The following SEMA3C variants were observed in gnomAD, a reference collection of about 807,000 sequenced individuals.
The protein encoded by SEMA3C is semaphorin-3C.
Under a neutral mutation model 89.4 loss-of-function variants are expected in SEMA3C, and 47 were observed. The ratio of observed to expected loss-of-function variants is 0.53; its 90% CI spans 0.42 to 0.67. SEMA3C has a LOEUF of 0.67. Ranked by LOEUF, SEMA3C falls within the 30% of genes least tolerant of loss-of-function variation. The probability of loss-of-function intolerance (pLI) is 0.00; values close to 1 mark genes in which losing one functional copy is unlikely to be tolerated. For synonymous variants in SEMA3C, 310 were observed against 320.2 expected, an observed-to-expected ratio of 0.97 and a Z score of 0.34; for missense variants, 839 against 929.1, an observed-to-expected ratio of 0.90 and a Z score of 1.26.
rs80095414 is a variant in SEMA3C, at chr7:80,910,580, T to C, written c.103+6099A>G. On this transcript the variant is annotated intron_variant, in intron 2 of 17. Transcript: ENST00000265361. ...AACAACAGAGGTCTTCAGTAATATA[T>C]AAATGAAAATGCAGAAGGCAAAAAA... 9.8e-3 allele frequency among the ~76,000 whole-genome samples: 1,494 copies of C among 151,774 alleles called. 9 individuals carry two copies. Among genetic ancestry groups the C allele is most frequent in the Non-Finnish European group, 0.016 (1,078 of 67,952 alleles).
chr7:80,919,111 GGC>G, upstream of SEMA3C: 1 of 984,950 alleles, frequency 1.0e-6, no homozygotes, highest in Non-Finnish European at 1.2e-6. Context: ...ACAGCGCCGC[GGC>G]GCGCGGCTCC....
At chr7:80,895,514 A>C (rs1791713157) in intron 2 of SEMA3C, among the ~76,000 whole-genome samples, 1 of 152,188 alleles carries the variant, frequency 6.6e-6, no homozygotes, top group Non-Finnish European at 1.5e-5. Context: ...GACTTAACAA[A>C]ATGACTTTCA....
intron 16 of SEMA3C, among the ~76,000 whole-genome samples, chr7:80,749,790 A>C (rs1787884266): frequency 6.6e-6 from 1 of 152,174 alleles, no homozygotes; most frequent in Admixed American, 6.6e-5. Context: ...AGGAATAATA[A>C]GACTCTAGTA....
intron 12 of SEMA3C, among the ~76,000 whole-genome samples, chr7:80,785,138 T>G (rs1788773534): frequency 6.6e-6 from 1 of 152,116 alleles, no homozygotes; most frequent in African/African-American, 2.4e-5. Flanking sequence ...GGTCAGTATC[T>G]CAAATTCAGC....
chr7:80,778,720 T>C (rs1788623692), intron 12 of SEMA3C, among the ~76,000 whole-genome samples: 1 of 152,234 alleles, frequency 6.6e-6, no homozygotes, highest in African/African-American at 2.4e-5. Context: ...CTGGCAAATG[T>C]TACTAGCATG....
At chr7:80,752,984 T>C (rs562399530) in intron 15 of SEMA3C, among the ~76,000 whole-genome samples, 53 of 152,282 alleles carry the variant, frequency 3.5e-4, no homozygotes, top group Admixed American at 7.9e-4. Context: ...ACAGTAGATA[T>C]TAAACTTACA....
rs1358887026 is a variant in SEMA3C, at chr7:80,745,089, G to A, written c.2061C>T (p.Pro687=). Residue 687 remains proline (P), a synonymous_variant, in exon 18 of 18, where the codon CCC becomes CCT. Coordinates refer to ENST00000265361, the MANE Select transcript of SEMA3C (RefSeq NM_006379.5). ...CCCCCATGATGTCCTTCGGGTGGAA[G>A]GGTAAAGCCCTCACAGAGCTGGCCC... ...WTWASSVRAL[P]FHPKDIMGAF... is the part of the protein sequence containing the mutation. The A allele has an allele frequency of 2.5e-6, 4 of 1,613,930 alleles. No homozygotes were observed. In the African/African-American group the frequency reaches 5.3e-5, roughly 22 times the overall value.
At chr7:80,823,233 C>T (rs1398582886) in intron 4 of SEMA3C, among the ~76,000 whole-genome samples, 1 of 152,124 alleles carries the variant, frequency 6.6e-6, no homozygotes, top group Non-Finnish European at 1.5e-5. Context: ...GCTCTAAGCT[C>T]TCTGCAAATA....
At chr7:80,876,558 A>C (rs1791207698) in intron 2 of SEMA3C, among the ~76,000 whole-genome samples, 1 of 152,200 alleles carries the variant, frequency 6.6e-6, no homozygotes, top group South Asian at 2.1e-4. Context: ...GAGTTGTTTT[A>C]GAGATTAAAC....
chr7:80,905,963 T>C (rs1289451937), intron 2 of SEMA3C: 1 of 1,134,474 alleles, frequency 8.8e-7, no homozygotes, highest in Admixed American at 2.4e-5. Context: ...TTGTTTTTTT[T>C]TTAACTGAAT....
chr7:80,863,155 C>T (rs1325456797), intron 2 of SEMA3C, among the ~76,000 whole-genome samples: 1 of 151,538 alleles, frequency 6.6e-6, no homozygotes, highest in Non-Finnish European at 1.5e-5. Context: ...TTGCTTGAAC[C>T]TGGGAGGCAG....
chr7:80,789,315 G>C lies in SEMA3C; in HGVS notation c.1345C>G (p.Leu449Val), dbSNP rs1428767978. 1 of 1,612,896 alleles carries C rather than the reference G, an allele frequency of 6.2e-7. No individual in the cohort carries two copies. The highest frequency in any genetic ancestry group is 1.3e-5 in the African/African-American group (1 of 74,992). Residue 449 changes from leucine (L) to valine (V), a missense_variant, in exon 12 of 18, where the codon CTC (leucine) becomes GTC (valine). Physicochemically the swap from Leu to Val is conservative, Grantham distance 32. Coordinates refer to ENST00000265361, the MANE Select transcript of SEMA3C (RefSeq NM_006379.5). ...AADGRYHVLF[L>V]GTDRGTVQKV... ...GGGCTCAAATATTTACCTGTTCCGA[G>C]AAACAGGACATGGTATCTCCCATCA...
Position 80,827,476 on chromosome 7 carries a change from T to G in SEMA3C, c.276A>C (p.Pro92=). Residue 92 remains proline, a synonymous_variant, in exon 4 of 18, where the codon CCA becomes CCC. Transcript: ENST00000265361. ...ATTCTTCAACTTTGATTGTAGATGC[T>G]GGCCAGAAAACCTGCTCAGAAAGAA... ...ISQEALSVFW[P]ASTIKVEECK... The G allele has an allele frequency of 6.9e-6, 11 of 1,602,712 alleles. No homozygotes were observed. Among genetic ancestry groups the G allele is most frequent in the Non-Finnish European group, 9.4e-6 (11 of 1,175,606 alleles).
At chr7:80,799,273 T>C (rs1178805379) in intron 10 of SEMA3C, among the ~76,000 whole-genome samples, 1 of 152,028 alleles carries the variant, frequency 6.6e-6, no homozygotes, top group Non-Finnish European at 1.5e-5. Context: ...ACAATTATAC[T>C]ATGTTTTCCC....
chr7:80,755,307 T>C (rs1002633479), intron 15 of SEMA3C, among the ~76,000 whole-genome samples: 6 of 150,622 alleles, frequency 4.0e-5, no homozygotes, highest in Non-Finnish European at 7.4e-5. Flanking sequence ...GGGGTTGTAA[T>C]AGGTGGGAAA....
At chr7:80,892,543 A>G (rs114643133) in intron 2 of SEMA3C, among the ~76,000 whole-genome samples, 1,592 of 152,238 alleles carry the variant, frequency 0.01, 24 homozygotes, top group African/African-American at 0.036. Context: ...AACCAAAAGA[A>G]AATTTAAAAA....
intron 4 of SEMA3C, 127 bp from the exon 5 acceptor site, chr7:80,818,545 TCCAGGGGC>T: frequency 1.0e-6 from 1 of 969,486 alleles, no homozygotes; most frequent in African/African-American, 1.6e-5. Context: ...GATGTATTAG[TCCAGGGGC>T]GTCCAATCTT....
chr7:80,750,473 T>TATATATATATATATACAC (rs869227686), intron 16 of SEMA3C, among the ~76,000 whole-genome samples: 1 of 55,434 alleles, frequency 1.8e-5, no homozygotes, highest in African/African-American at 7.4e-5. Flanking sequence ...TATATATATA[T>TATATATATATATATACAC]ACACACACAC....
chr7:80,873,853 A>G (rs915071445), intron 2 of SEMA3C, among the ~76,000 whole-genome samples: 3 of 152,212 alleles, frequency 2.0e-5, no homozygotes, highest in Non-Finnish European at 2.9e-5. Flanking sequence ...GGGCAAGGGT[A>G]GAAGCTCTAG....
Sources: gnomAD v4.1 joint callset for allele counts (sites outside exome capture counted in the v4.1 genomes callset) on GRCh38, gnomAD v4.1.1 for gene constraint, MANE v1.5 for transcripts, NCBI Gene and HGNC (gene_info 2026-07-23, HGNC 2026-07-21) for gene names.